WNK2: variants seen among roughly 807,000 people sequenced by gnomAD.
WNK2 encodes the protein WNK lysine deficient protein kinase 2.
Under a neutral mutation model 192.1 loss-of-function variants are expected in WNK2, and 67 were observed. The ratio of observed to expected loss-of-function variants is 0.35; its 90% CI spans 0.29 to 0.43. WNK2 has a LOEUF of 0.43. WNK2 is among the 20% of genes least tolerant of loss of function. The probability of loss-of-function intolerance (pLI) is 1.00; values close to 1 mark genes in which losing one functional copy is unlikely to be tolerated. For synonymous variants in WNK2, 1,439 were observed against 1,393.9 expected (o/e 1.03, Z -0.72); for missense variants, 2,698 against 3,089.7 (o/e 0.87, Z 3.01).
intron 2 of WNK2, among the ~76,000 whole-genome samples, chr9:93,192,021 C>T (rs1043634384): frequency 4.0e-5 from 6 of 149,494 alleles, no homozygotes; most frequent in African/African-American, 1.5e-4. Flanking sequence ...AAGACTCCGT[C>T]TCAAAAAAAA....
chr9:93,278,931 A>C (rs991965576), intron 19 of WNK2, among the ~76,000 whole-genome samples: 4 of 152,254 alleles, frequency 2.6e-5, no homozygotes, highest in African/African-American at 9.6e-5. Flanking sequence ...GACAAAACCC[A>C]ACAATTATAA....
intron 2 of WNK2, among the ~76,000 whole-genome samples, chr9:93,208,744 CATGTGTGTGCGCATGTCCTCCGT>C: frequency 5.4e-4 from 1 of 1,852 alleles, no homozygotes; most frequent in Non-Finnish European, 1.1e-3. Context: ...TGTGTGTGTT[CATGTGTGTGCGCATGTCCTCCGT>C]GTGTGTGTTC....
chr9:93,241,266 A>G (rs1312450678), intron 7 of WNK2, among the ~76,000 whole-genome samples: 1 of 152,246 alleles, frequency 6.6e-6, no homozygotes, highest in African/African-American at 2.4e-5. Context: ...GGTGAAAACA[A>G]AGTCACAACG....
At chr9:93,304,708 G>A (rs1044625955) in intron 26 of WNK2, among the ~76,000 whole-genome samples, 2 of 152,262 alleles carry the variant, frequency 1.3e-5, no homozygotes, top group African/African-American at 4.8e-5. Context: ...CCCAATCGAG[G>A]CCGAGGCTCT....
chr9:93,249,537 G>A (rs201167426), intron 8 of WNK2, among the ~76,000 whole-genome samples: 4 of 152,114 alleles, frequency 2.6e-5, no homozygotes, highest in African/African-American at 4.8e-5. Context: ...GCAGTGGCGC[G>A]ATCTCGGCTC....
rs775715814 is a variant in WNK2 at position 93,239,009 on chromosome 9, A to C, written c.1322+688A>C. On this transcript the variant is annotated intron_variant, in intron 6 of 29. Coordinates refer to ENST00000427277, the MANE Select transcript of WNK2 (RefSeq NM_006648.4). The surrounding 1 kb of genome is among the most constrained non-coding windows in gnomAD (Gnocchi z 4.2). ...CTACACAGGTGACTCTGGAGCACAC[A>C]CAGAGGAAGCCAGGCCCCAAAGAGT... is the stretch of plus-strand genomic sequence containing the variant. 7.2e-5 allele frequency among the ~76,000 whole-genome samples: 11 copies of C among 152,162 alleles called. No individual in the cohort carries two copies. Among genetic ancestry groups the C allele is most frequent in the Non-Finnish European group, 1.3e-4 (9 of 68,008 alleles).
intron 6 of WNK2, among the ~76,000 whole-genome samples, chr9:93,238,943 C>T (rs1324222810): frequency 6.6e-6 from 1 of 152,186 alleles, no homozygotes; most frequent in African/African-American, 2.4e-5. Flanking sequence ...TGACGTGACA[C>T]CCCTCAGCAG....
intron 28 of WNK2, chr9:93,317,163 ACCAG>A: frequency 2.6e-6 from 1 of 385,062 alleles, no homozygotes; most frequent in South Asian, 2.7e-5. Context: ...GAGGGCACTG[ACCAG>A]CCAAGCAGGA....
chr9:93,229,818 G>A lies in WNK2; in HGVS notation c.804G>A (p.Lys268=). The A allele has an allele frequency of 6.2e-7, 1 of 1,613,970 alleles. No homozygotes were observed. The highest frequency in any genetic ancestry group is 8.5e-7 in the Non-Finnish European group (1 of 1,179,880). The change falls in exon 3 of 30, where the codon AAG becomes AAA. Residue 268 remains lysine, a synonymous_variant. Coordinates refer to ENST00000427277, the MANE Select transcript of WNK2 (RefSeq NM_006648.4). The surrounding 1 kb of genome is among the most constrained non-coding windows in gnomAD (Gnocchi z 4.9). ...TCTGGGAGTCCAGCGCCAAGGGCAA[G>A]CGGTGCATTGTGCTGGTGACGGAGC... is the stretch of plus-strand genomic sequence containing the variant. The part of the protein sequence containing the change: ...YDFWESSAKG[K]RCIVLVTELM...
Position 93,268,742 on chromosome 9 carries a change from C to T in WNK2, c.4029C>T (p.Ser1343=). 1 of 1,612,354 alleles carries T rather than the reference C, an allele frequency of 6.2e-7. No homozygotes were observed. The highest frequency in any genetic ancestry group is 8.5e-7 in the Non-Finnish European group (1 of 1,179,472). ...TAAGCTCCCTGCCGCCAGAAGCCAG[C>T]CAAGGTATGAGCAGCAGGCGCCCAC... ...LPLSSLPPEA[S]QDSAPYKDQL... is the part of the protein sequence containing the mutation. The change falls in exon 19 of 30, where the codon AGC becomes AGT. Residue 1343 remains serine (S), a synonymous_variant. Transcript: ENST00000427277.
chr9:93,274,063 C>T (rs994432898), intron 19 of WNK2, among the ~76,000 whole-genome samples: 1 of 152,142 alleles, frequency 6.6e-6, no homozygotes, highest in Non-Finnish European at 1.5e-5. Context: ...CAAAATAAAT[C>T]CGAAGCAAGC....
chr9:93,254,718 T>G (rs1843045415), intron 9 of WNK2, among the ~76,000 whole-genome samples: 1 of 152,126 alleles, frequency 6.6e-6, no homozygotes, highest in Admixed American at 6.5e-5. Context: ...AATCCTAGCA[T>G]TTTGGGAGCC....
rs1410063591 is a variant in WNK2 at position 93,264,050 on chromosome 9, G to A, written c.3696+17G>A. On this transcript the variant is annotated intron_variant, in intron 16 of 29. Coordinates refer to ENST00000427277, the MANE Select transcript of WNK2 (RefSeq NM_006648.4). Reference sequence around the variant, plus strand: ...ACGTATATGGTGAGGCTGGGTCTGGGTGGCTTGGCTCCCGGTGTTTCTTGG... The same window carrying A: ...ACGTATATGGTGAGGCTGGGTCTGGATGGCTTGGCTCCCGGTGTTTCTTGG... The A allele has an allele frequency of 2.5e-6, 4 of 1,594,388 alleles. No individual in the cohort carries two copies. The highest frequency in any genetic ancestry group is 3.4e-6 in the Non-Finnish European group (4 of 1,165,706).
chr9:93,269,058 C>T lies in WNK2; in HGVS notation c.4033+312C>T. 15 of 994,502 alleles carry T rather than the reference C, an allele frequency of 1.5e-5. No individual in the cohort carries two copies. The South Asian group carries it at 2.2e-4, about 15-fold the overall frequency. The allele number at this position is 994,502 out of a possible 1,614,324, so 61.6% of individuals were successfully genotyped here. On this transcript the variant is annotated intron_variant, in intron 19 of 29. Transcript: ENST00000427277. ...CTTCACAGTGTTAACCTGGCAACTC[C>T]TTGCTCCTGTCCCTTTCCTCTGTGC...
At chr9:93,260,265 T>G (rs887852566) in intron 12 of WNK2, among the ~76,000 whole-genome samples, 4 of 152,082 alleles carry the variant, frequency 2.6e-5, no homozygotes, top group African/African-American at 9.7e-5. Context: ...TCCACTCATG[T>G]TTTGGGGCTT....
intron 7 of WNK2, 98 bp downstream of exon 7, chr9:93,240,074 A>G: frequency 7.8e-7 from 1 of 1,287,734 alleles, no homozygotes. Flanking sequence ...CTTGCTCCGG[A>G]GGGGACTGCA....
At chr9:93,208,714 T>C (rs951860549) in intron 2 of WNK2, among the ~76,000 whole-genome samples, 106 of 994 alleles carry the variant, frequency 0.11, no homozygotes, top group African/African-American at 0.23. Flanking sequence ...GTGTTCTGTG[T>C]ATGCTCTTCG....
At chr9:93,306,461 CTTTT>C (rs1180599907) in intron 26 of WNK2, among the ~76,000 whole-genome samples, 2 of 151,838 alleles carry the variant, frequency 1.3e-5, no homozygotes, top group African/African-American at 4.8e-5. Flanking sequence ...GTGTGCTTTG[CTTTT>C]TTCTTTTTTC....
At chr9:93,240,316 C>G (rs1181235949) in intron 7 of WNK2, among the ~76,000 whole-genome samples, 1 of 152,168 alleles carries the variant, frequency 6.6e-6, no homozygotes, top group Non-Finnish European at 1.5e-5. Context: ...CTTGCTTTGC[C>G]GGACTCTTGC....
Sources: gnomAD v4.1 joint callset for allele counts (sites outside exome capture counted in the v4.1 genomes callset) on GRCh38, gnomAD v4.1.1 for gene constraint, Gnocchi (gnomAD v3.1) non-coding constraint, MANE v1.5 for transcripts, NCBI Gene and HGNC (gene_info 2026-07-23, HGNC 2026-07-21) for gene names.